Variants in UNC93A observed in about 807,000 individuals in gnomAD.
UNC93A encodes the protein N-acetylglucosamine transporter UNC93A.
In UNC93A, 43 loss-of-function variants were observed where a neutral mutation model predicts 47.5. The ratio of observed to expected loss-of-function variants is 0.91; its 90% CI spans 0.71 to 1.17. The LOEUF is 1.17. Ranked by LOEUF, UNC93A falls within the 50% of genes most tolerant of loss-of-function variation. The probability of loss-of-function intolerance (pLI) is 0.00; values close to 1 mark genes in which losing one functional copy is unlikely to be tolerated. For missense variants in UNC93A, 605 were observed against 577.6 expected (o/e 1.05, Z -0.49); for synonymous variants, 280 against 258.0 (o/e 1.09, Z -0.82).
At chr6:167,299,418 T>G (rs1421127435) in intron 4 of UNC93A, among the ~76,000 whole-genome samples, 2 of 152,096 alleles carry the variant, frequency 1.3e-5, no homozygotes, top group Admixed American at 6.6e-5. Flanking sequence ...TCAGGTCCCC[T>G]CAGGCCACTT....
chr6:167,281,532 G>A (rs1783633672), intron 1 of UNC93A, among the ~76,000 whole-genome samples: 2 of 152,196 alleles, frequency 1.3e-5, no homozygotes, highest in South Asian at 4.1e-4. Flanking sequence ...GTGAGTTTTA[G>A]ATGCACGTGG....
upstream of UNC93A, among the ~76,000 whole-genome samples, chr6:167,288,875 G>A (rs1289599941): frequency 3.3e-5 from 5 of 152,354 alleles, no homozygotes; most frequent in South Asian, 1.0e-3. Context: ...CGGAACACGC[G>A]TGCTCTGAGC....
chr6:167,309,059 G>A (rs951173267), intron 7 of UNC93A, among the ~76,000 whole-genome samples: 1 of 152,074 alleles, frequency 6.6e-6, no homozygotes, highest in African/African-American at 2.4e-5. Context: ...CACTAGAGAG[G>A]CCTGAGGGCA....
chr6:167,270,063 T>TGGGG (rs1247578866), upstream of UNC93A, among the ~76,000 whole-genome samples: 1 of 14,964 alleles, frequency 6.7e-5, no homozygotes, highest in African/African-American at 1.3e-4. Context: ...GGGGTGGGGG[T>TGGGG]GGGGGGGGGG....
chr6:167,270,164 C>T (rs2115062920), upstream of UNC93A, among the ~76,000 whole-genome samples: 1 of 152,166 alleles, frequency 6.6e-6, no homozygotes, highest in East Asian at 1.9e-4. Context: ...CTGGCTGTGG[C>T]ATCTATTGAC....
upstream of UNC93A, among the ~76,000 whole-genome samples, chr6:167,288,358 GC>G (rs903065405): frequency 1.9e-4 from 29 of 152,062 alleles, no homozygotes; most frequent in African/African-American, 7.0e-4. Context: ...GGAGTGGTCA[GC>G]CCCCGCCAAG....
chr6:167,283,648 G>A (rs1783671787), intron 1 of UNC93A, among the ~76,000 whole-genome samples: 1 of 152,140 alleles, frequency 6.6e-6, no homozygotes, highest in African/African-American at 2.4e-5. Context: ...CGCGTTGCCT[G>A]CCAGCTAGAA....
chr6:167,306,817 C>T (rs1323949472), intron 6 of UNC93A, among the ~76,000 whole-genome samples: 5 of 152,302 alleles, frequency 3.3e-5, no homozygotes, highest in South Asian at 2.1e-4. Context: ...CTGGGGCATG[C>T]GGTGTGGACC....
At chr6:167,305,793 G>A (rs1562357746) in intron 5 of UNC93A, 122 bp from the exon 6 acceptor site, 1 of 1,374,134 alleles carries the variant, frequency 7.3e-7, no homozygotes, top group Middle Eastern at 2.3e-4. Flanking sequence ...AGAGGAAGGT[G>A]TAGGCAACAC....
chr6:167,279,236 C>T lies in UNC93A; in HGVS notation c.-52+7778C>T, dbSNP rs372589157. Among the ~76,000 whole-genome samples, 279 of 152,146 alleles carry T rather than the reference C, an allele frequency of 1.8e-3. 3 individuals carry two copies. Among genetic ancestry groups the T allele is most frequent in the African/African-American group, 6.3e-3 (262 of 41,472 alleles). Reference sequence around the variant, plus strand: ...CTCTTTGAGAATTGCAGGTAACTGACGGAGATATATATAGAGAGAGATAGA... The same window carrying T: ...CTCTTTGAGAATTGCAGGTAACTGATGGAGATATATATAGAGAGAGATAGA... On this transcript the variant is annotated intron_variant, in intron 1 of 3. Coordinates refer to the UNC93A transcript ENST00000503433.
intron 1 of UNC93A, among the ~76,000 whole-genome samples, chr6:167,280,337 T>C (rs1389196172): frequency 6.6e-6 from 1 of 152,184 alleles, no homozygotes; most frequent in African/African-American, 2.4e-5. Flanking sequence ...GGGAAAATGC[T>C]GTGTGCTTTC....
At chr6:167,302,347 G>A (rs949072446) in intron 4 of UNC93A, among the ~76,000 whole-genome samples, 1 of 152,014 alleles carries the variant, frequency 6.6e-6, no homozygotes, top group African/African-American at 2.4e-5. Context: ...GATAATTCCC[G>A]TCGTCTTTAG....
rs1292604311 is a variant in UNC93A, at chr6:167,278,196, G to C, written c.-52+6738G>C. Reference sequence around the variant, plus strand: ...TACATTACATGAACCTCAGTCACTTGTTTTCACTGACATATACCTGAGTGA... The same window carrying C: ...TACATTACATGAACCTCAGTCACTTCTTTTCACTGACATATACCTGAGTGA... On this transcript the variant is annotated intron_variant, in intron 1 of 3. Transcript: ENST00000503433. 2.0e-5 allele frequency among the ~76,000 whole-genome samples: 3 copies of C among 152,338 alleles called. 1 individual carries two copies. In the East Asian group the frequency reaches 5.8e-4, roughly 29 times the overall value.
intron 7 of UNC93A, among the ~76,000 whole-genome samples, chr6:167,314,818 C>CA (rs1778648393): frequency 6.6e-6 from 1 of 152,112 alleles, no homozygotes; most frequent in Admixed American, 6.5e-5. Context: ...TGGACAAAAC[C>CA]AATGCTCATC....
At position 167,296,127 on chromosome 6, in the gene UNC93A, A is replaced by G; in HGVS notation, c.365A>G (p.His122Arg). The change falls in exon 3 of 8, where the codon CAT becomes CGT. Residue 122 changes from histidine (H) to arginine (R), a missense_variant. Transcript: ENST00000230256. ...TACCTCACGATCACGGGAAACACACATGCAGAGAAGGCGGGAAAGCGTGGC... is the reference window on the plus strand; with the variant it reads ...TACCTCACGATCACGGGAAACACACGTGCAGAGAAGGCGGGAAAGCGTGGC... ...CTYLTITGNT[H>R]AEKAGKRGKD... is the part of the protein sequence containing the mutation. The G allele has an allele frequency of 6.2e-7, 1 of 1,614,238 alleles. No individual in the cohort carries two copies. The highest frequency in any genetic ancestry group is 2.2e-5 in the East Asian group (1 of 44,892).
chr6:167,273,183 C>G (rs1783478777), intron 1 of UNC93A, among the ~76,000 whole-genome samples: 1 of 152,196 alleles, frequency 6.6e-6, no homozygotes, highest in African/African-American at 2.4e-5. Context: ...GGAAGCAGGT[C>G]CTTTTACTCC....
intron 1 of UNC93A, among the ~76,000 whole-genome samples, chr6:167,281,426 G>A (rs1783632016): frequency 6.6e-6 from 1 of 152,200 alleles, no homozygotes; most frequent in African/African-American, 2.4e-5. Context: ...GATGAGTTGA[G>A]CTGAATACTT....
At chr6:167,282,508 G>A (rs936799616) in intron 1 of UNC93A, among the ~76,000 whole-genome samples, 1 of 152,086 alleles carries the variant, frequency 6.6e-6, no homozygotes, top group African/African-American at 2.4e-5. Context: ...CTTGGAGCAT[G>A]GGTTCAGGTT....
In UNC93A at chr6:167,303,968, A is replaced by T; in HGVS notation, c.675A>T (p.Ile225=). The T allele has an allele frequency of 6.2e-7, 1 of 1,613,572 alleles. No individual in the cohort carries two copies. The highest frequency in any genetic ancestry group is 2.2e-5 in the East Asian group (1 of 44,876). ...VLMIAAFLQP[I]RDVQRESEGE... is the part of the protein sequence containing the mutation. ...TGATAGCTGCGTTCCTCCAACCCATACGAGATGTTCAGCGGGAAAGTGAAG... is the reference window on the plus strand; with the variant it reads ...TGATAGCTGCGTTCCTCCAACCCATTCGAGATGTTCAGCGGGAAAGTGAAG... Residue 225 remains isoleucine, a synonymous_variant, in exon 5 of 8, where the codon ATA becomes ATT. Transcript: ENST00000230256.
Sources: gnomAD v4.1 joint callset for allele counts (sites outside exome capture counted in the v4.1 genomes callset) on GRCh38, gnomAD v4.1.1 for gene constraint, MANE v1.5 for transcripts, NCBI Gene and HGNC (gene_info 2026-07-23, HGNC 2026-07-21) for gene names.